The following CALN1 variants were observed in gnomAD, a reference collection of about 807,000 sequenced individuals.
The protein encoded by CALN1 is calcium-binding protein 8.
A neutral mutation model predicts 30.6 loss-of-function variants in CALN1; 17 were observed. That is an observed-to-expected ratio of 0.56 (90% CI 0.38 to 0.83). The LOEUF (loss-of-function observed/expected upper bound fraction) is 0.83. CALN1 is among the 40% of genes least tolerant of loss of function. CALN1 has a pLI of 0.00. For missense variants in CALN1, 291 were observed against 354.9 expected (o/e 0.82, Z 1.45); for synonymous variants, 156 against 131.4 (o/e 1.19, Z -1.28).
At chr7:71,945,564 C>T (rs938021286) in intron 5 of CALN1, among the ~76,000 whole-genome samples, 6 of 152,194 alleles carry the variant, frequency 3.9e-5, no homozygotes, top group Non-Finnish European at 7.3e-5. Context: ...ACTCTACCTC[C>T]TGTCAGATCA....
intron 1 of CALN1, among the ~76,000 whole-genome samples, chr7:72,435,589 C>T (rs72608506): frequency 1.3e-5 from 2 of 152,132 alleles, no homozygotes; most frequent in South Asian, 2.1e-4. Flanking sequence ...CAGCAGCCAG[C>T]GCGGAGAGGC....
intron 3 of CALN1, among the ~76,000 whole-genome samples, chr7:72,198,138 T>G (rs368238238): frequency 2.0e-5 from 3 of 152,324 alleles, no homozygotes; most frequent in African/African-American, 7.2e-5. Flanking sequence ...TCTCAATAGT[T>G]AAATGTTTAA....
chr7:71,812,954 ATT>A (rs1788050379), intron 5 of CALN1, among the ~76,000 whole-genome samples: 1 of 148,894 alleles, frequency 6.7e-6, no homozygotes, highest in Admixed American at 6.7e-5. Flanking sequence ...TATTATTATT[ATT>A]ATTATTATTT....
intron 5 of CALN1, among the ~76,000 whole-genome samples, chr7:71,826,203 G>C (rs1356893010): frequency 1.3e-5 from 2 of 152,014 alleles, no homozygotes; most frequent in African/African-American, 4.8e-5. Flanking sequence ...GGCCCACAAG[G>C]AATCAGCTCA....
At chr7:72,417,953 A>C (rs1217702112) in intron 1 of CALN1, among the ~76,000 whole-genome samples, 1 of 152,118 alleles carries the variant, frequency 6.6e-6, no homozygotes, top group Non-Finnish European at 1.5e-5. Flanking sequence ...GTTTGTTTTA[A>C]GGGTTTTAAA....
chr7:72,196,412 C>G (rs1486381146), intron 3 of CALN1, among the ~76,000 whole-genome samples: 1 of 152,220 alleles, frequency 6.6e-6, no homozygotes, highest in Non-Finnish European at 1.5e-5. Flanking sequence ...AGCCACCGCT[C>G]CTGGCCTTCA....
At chr7:71,902,933 G>A (rs887380588) in intron 5 of CALN1, among the ~76,000 whole-genome samples, 15 of 151,926 alleles carry the variant, frequency 9.9e-5, no homozygotes, top group African/African-American at 3.6e-4. Context: ...GTATACACAT[G>A]GACATAGAGA....
At chr7:72,294,744 A>C (rs11767194) in intron 2 of CALN1, among the ~76,000 whole-genome samples, 1 of 134,908 alleles carries the variant, frequency 7.4e-6, no homozygotes, top group East Asian at 2.2e-4. Flanking sequence ...ACTGTCTCTA[A>C]AAAAGTAATA....
At position 71,784,456 on chromosome 7, in the gene CALN1, G is replaced by A. The variant is rs1792881100; in HGVS notation, c.*3319C>T. 1.0e-5 allele frequency: 2 copies of A among 194,964 alleles called. No individual in the cohort carries two copies. The highest frequency in any genetic ancestry group is 1.2e-4 in the Admixed American group (2 of 16,450). The allele number at this position is 194,964 out of a possible 1,614,324, so 12.1% of individuals were successfully genotyped here. Reference sequence around the variant, plus strand: ...CTTTTTTTTTTGTCAGATCAGTCACGTGGGACCCAAGCACATTCTGGAAGC... The same window carrying A: ...CTTTTTTTTTTGTCAGATCAGTCACATGGGACCCAAGCACATTCTGGAAGC... On this transcript the variant is annotated 3_prime_UTR_variant, in exon 7 of 7. Coordinates refer to ENST00000395275, the MANE Select transcript of CALN1 (RefSeq NM_031468.4).
chr7:72,216,858 C>T (rs1792852352), intron 3 of CALN1, among the ~76,000 whole-genome samples: 1 of 152,082 alleles, frequency 6.6e-6, no homozygotes, highest in Non-Finnish European at 1.5e-5. Context: ...CTGAAGTGAT[C>T]CTCCTGCCTC....
intron 2 of CALN1, among the ~76,000 whole-genome samples, chr7:72,305,605 T>G (rs540885825): frequency 6.6e-6 from 1 of 152,110 alleles, no homozygotes; most frequent in Non-Finnish European, 1.5e-5. Context: ...CAGTGAGAGG[T>G]CAGGGATTAT....
chr7:71,869,099 C>T (rs1207274772), intron 5 of CALN1, among the ~76,000 whole-genome samples: 1 of 152,154 alleles, frequency 6.6e-6, no homozygotes. Flanking sequence ...CAGAGTGCTT[C>T]TCCTCTCCTA....
At chr7:72,314,096 CCAGCA>C (rs1800247521) in intron 2 of CALN1, among the ~76,000 whole-genome samples, 1 of 152,064 alleles carries the variant, frequency 6.6e-6, no homozygotes, top group Non-Finnish European at 1.5e-5. Context: ...CACACCAGGC[CCAGCA>C]CAGGGCTGGA....
intron 1 of CALN1, among the ~76,000 whole-genome samples, 173 bp from the exon 2 acceptor site, chr7:72,403,615 T>C (rs1806500704): frequency 6.6e-6 from 1 of 152,166 alleles, no homozygotes. Flanking sequence ...GTTTAGTTAT[T>C]AATAAGGCCT....
At chr7:72,501,950 C>T in the CALN1 span, among the ~76,000 whole-genome samples, 79 of 68,222 alleles carry the variant, frequency 1.2e-3, 5 homozygotes, top group Admixed American at 1.5e-3. Context: ...TATATATATA[C>T]ACACATATAT....
chr7:71,860,235 C>T (rs956902990), intron 5 of CALN1, among the ~76,000 whole-genome samples: 2 of 151,154 alleles, frequency 1.3e-5, no homozygotes, highest in Non-Finnish European at 2.9e-5. Flanking sequence ...CTCTGTCACC[C>T]AGGTTGGAGT....
chr7:71,963,568 G>A lies in CALN1; in HGVS notation c.501+60089C>T, dbSNP rs180857207. Among the ~76,000 whole-genome samples, 5 of 152,228 alleles carry A rather than the reference G, an allele frequency of 3.3e-5. No individual in the cohort carries two copies. The South Asian group carries it at 6.2e-4, about 19-fold the overall frequency. On this transcript the variant is annotated intron_variant, in intron 5 of 6. Coordinates refer to ENST00000395275, the MANE Select transcript of CALN1 (RefSeq NM_031468.4). ...GATCCGCCCACCTTGGCCTCCCAAA[G>A]TGCTGGGATTACAGGTATGAGCCAC...
chr7:71,975,111 T>A (rs573178261), intron 5 of CALN1, among the ~76,000 whole-genome samples: 3 of 152,244 alleles, frequency 2.0e-5, no homozygotes, highest in Admixed American at 2.0e-4. Flanking sequence ...AAGGGTGCTG[T>A]GCAGGGACAG....
intron 5 of CALN1, among the ~76,000 whole-genome samples, chr7:71,883,138 T>C (rs1792686718): frequency 6.6e-6 from 1 of 152,200 alleles, no homozygotes; most frequent in Non-Finnish European, 1.5e-5. Context: ...TCTATATCTA[T>C]ATAAATCTAT....
Sources: allele counts gnomAD v4.1 joint callset (sites outside exome capture counted in the v4.1 genomes callset), GRCh38; gene constraint gnomAD v4.1.1; transcripts MANE v1.5; gene names NCBI Gene and HGNC (gene_info 2026-07-23, HGNC 2026-07-21).